Variants in SEC14L6 observed in about 807,000 individuals in gnomAD.
SEC14L6 encodes SEC14 like lipid binding 6.
SEC14L6 carries 40 observed loss-of-function variants against 54.1 expected under a neutral mutation model. The ratio of observed to expected loss-of-function variants is 0.74; its 90% CI spans 0.57 to 0.96. The LOEUF (loss-of-function observed/expected upper bound fraction) is 0.96, where lower values mean the gene tolerates loss of function less well. SEC14L6 is among the 40% of genes least tolerant of loss of function. The probability of loss-of-function intolerance (pLI) is 0.00; values close to 1 mark genes in which losing one functional copy is unlikely to be tolerated. For synonymous variants in SEC14L6, 171 were observed against 198.4 expected (o/e 0.86, Z 1.16); for missense variants, 471 against 498.3 (o/e 0.95, Z 0.52).
chr22:30,538,798 C>A lies in SEC14L6; in HGVS notation c.130+29G>T, dbSNP rs575173410. On this transcript the variant is annotated intron_variant, in intron 2 of 11. Coordinates refer to ENST00000402034, the MANE Select transcript of SEC14L6 (RefSeq NM_001193336.4). The stretch of plus-strand genomic sequence containing the variant: ...TACACTCCTCTTTCATGCCATTGAC[C>A]CTACCCCAGCCCCACGCTCTATCCT... 7 of 1,494,534 alleles carry A rather than the reference C, an allele frequency of 4.7e-6. No homozygotes were observed. In the East Asian group the frequency reaches 9.8e-5, roughly 21 times the overall value. The allele number at this position is 1,494,534 out of a possible 1,614,324, so 92.6% of individuals were successfully genotyped here. A position where few individuals can be genotyped will look rare whatever the true frequency, so the allele number is the denominator to read the frequency against.
At chr22:30,528,422 CTTTT>C (rs375073961) in intron 8 of SEC14L6, among the ~76,000 whole-genome samples, 2 of 105,532 alleles carry the variant, frequency 1.9e-5, no homozygotes, top group African/African-American at 4.0e-5. Context: ...CGCTCGGCCT[CTTTT>C]TTTTTTTTTT....
At chr22:30,546,404 AAAG>A (rs1568978176) in intron 1 of SEC14L6, among the ~76,000 whole-genome samples, 1 of 151,202 alleles carries the variant, frequency 6.6e-6, no homozygotes, top group East Asian at 1.9e-4. Context: ...AAAAAAAAAA[AAAG>A]GAAGAAAGAA....
At chr22:30,542,412 G>C in intron 1 of SEC14L6, 1 of 425,638 alleles carries the variant, frequency 2.3e-6, no homozygotes, top group Non-Finnish European at 4.1e-6. Flanking sequence ...GAGGTCGGCC[G>C]CAACTTCCCC....
chr22:30,528,422 C>CCTTT (rs773969166), intron 8 of SEC14L6, among the ~76,000 whole-genome samples: 4 of 105,522 alleles, frequency 3.8e-5, no homozygotes, highest in African/African-American at 1.6e-4. Context: ...CGCTCGGCCT[C>CCTTT]TTTTTTTTTT....
At chr22:30,531,849 G>T in intron 6 of SEC14L6, 54 bp downstream of exon 6, 1 of 1,306,190 alleles carries the variant, frequency 7.7e-7, no homozygotes, top group Non-Finnish European at 1.1e-6. Flanking sequence ...CAAGTGGAGG[G>T]TAAAGACCCA....
intron 2 of SEC14L6, among the ~76,000 whole-genome samples, chr22:30,534,617 G>A (rs1207110477): frequency 1.3e-5 from 2 of 151,832 alleles, no homozygotes; most frequent in East Asian, 1.9e-4. Flanking sequence ...CACCATGTTG[G>A]TCAGGCTGGT....
chr22:30,545,114 T>C (rs906865149), intron 1 of SEC14L6, among the ~76,000 whole-genome samples: 1 of 152,060 alleles, frequency 6.6e-6, no homozygotes, highest in Admixed American at 6.6e-5. Flanking sequence ...TGAGTCTTCC[T>C]GGACCCCAAG....
At position 30,532,525 on chromosome 22, in the gene SEC14L6, C is replaced by G. The variant is rs1253282580; in HGVS notation, c.423G>C (p.Lys141Asn). The G allele has an allele frequency of 1.9e-6, 3 of 1,547,850 alleles. No individual in the cohort carries two copies. The African/African-American group carries it at 4.1e-5, about 21-fold the overall frequency. The change falls in exon 5 of 12, where the codon AAG (lysine) becomes AAC (asparagine). Residue 141 changes from lysine (K) to asparagine (N), a missense_variant and splice_region_variant. Physicochemically the swap from Lys to Asn is moderately conservative, Grantham distance 94. Coordinates refer to ENST00000402034, the MANE Select transcript of SEC14L6 (RefSeq NM_001193336.4). Reference sequence around the variant, plus strand: ...GCTGCCCAGGGTGGCACCCACACACCTTCTGACTCTGCAGCTCACACTCCC... The same window carrying G: ...GCTGCCCAGGGTGGCACCCACACACGTTCTGACTCTGCAGCTCACACTCCC... ...LLRECELQSQKLGKRVEKIIA... is the reference protein window; with the variant it reads ...LLRECELQSQNLGKRVEKIIA...
intron 6 of SEC14L6, among the ~76,000 whole-genome samples, chr22:30,529,769 G>C (rs574014068): frequency 1.4e-4 from 22 of 152,192 alleles, no homozygotes; most frequent in Admixed American, 4.6e-4. Context: ...ACAGATGAGT[G>C]GGGGGATAAC....
rs780492964 is a variant in SEC14L6, at chr22:30,532,044, C to G, written c.424-46G>C. On this transcript the variant is annotated intron_variant, in intron 5 of 11. Coordinates refer to ENST00000402034, the MANE Select transcript of SEC14L6 (RefSeq NM_001193336.4). ...GTGAGACCCTGTGAGGGCCACTGCCCCCACCCATCCAAGATGGGGCTGGGC... is the reference window on the plus strand; with the variant it reads ...GTGAGACCCTGTGAGGGCCACTGCCGCCACCCATCCAAGATGGGGCTGGGC... 10 of 1,538,040 alleles carry G rather than the reference C, an allele frequency of 6.5e-6. No homozygotes were observed. The South Asian group carries it at 9.8e-5, about 15-fold the overall frequency.
chr22:30,533,230 G>GC (rs1937041649), intron 3 of SEC14L6: 1 of 871,290 alleles, frequency 1.1e-6, no homozygotes, highest in Non-Finnish European at 1.4e-6. Context: ...GCAGAGCCTG[G>GC]CTGATGTGTT....
At chr22:30,531,878 CA>C in intron 6 of SEC14L6, 24 bp downstream of exon 6, 1 of 1,511,930 alleles carries the variant, frequency 6.6e-7, no homozygotes, top group Non-Finnish European at 9.0e-7. Flanking sequence ...ACCACCCACC[CA>C]TGCCCCTGGC....
At chr22:30,539,504 C>T (rs2085660515) in intron 1 of SEC14L6, among the ~76,000 whole-genome samples, 1 of 152,196 alleles carries the variant, frequency 6.6e-6, no homozygotes, top group Non-Finnish European at 1.5e-5. Flanking sequence ...CCCTGATCTT[C>T]ATCCTTAGGA....
intron 2 of SEC14L6, among the ~76,000 whole-genome samples, chr22:30,535,435 G>A (rs1352900910): frequency 1.3e-5 from 2 of 152,194 alleles, no homozygotes; most frequent in Non-Finnish European, 2.9e-5. Context: ...GATTTCATCT[G>A]GGCATCATAA....
intron 1 of SEC14L6, chr22:30,543,044 G>C (rs1434785388): frequency 2.5e-6 from 4 of 1,599,252 alleles, no homozygotes; most frequent in South Asian, 1.1e-5. Flanking sequence ...CCCGCAGCGA[G>C]GGCCACACCT....
intron 1 of SEC14L6, chr22:30,543,137 A>G: frequency 1.2e-6 from 2 of 1,603,612 alleles, no homozygotes; most frequent in South Asian, 1.1e-5. Flanking sequence ...AATGGGAATC[A>G]GCTCTCAGAC....
chr22:30,546,368 A>T (rs1464723888), intron 1 of SEC14L6, among the ~76,000 whole-genome samples: 3 of 142,320 alleles, frequency 2.1e-5, no homozygotes, highest in Non-Finnish European at 4.5e-5. Context: ...GGGCAACAAG[A>T]GCGAAACTCC....
rs561182942 is a variant in SEC14L6 at position 30,525,818 on chromosome 22, C to G, written c.771+8G>C. ...CCCCTCCTTCCCCATCCTCTGGGCA[C>G]CCTGTACCTTGGTCAGGCACTTGGG... On this transcript the variant is annotated splice_region_variant and intron_variant, in intron 9 of 11. Transcript: ENST00000402034. 27 of 1,613,492 alleles carry G rather than the reference C, an allele frequency of 1.7e-5. No individual in the cohort carries two copies. Among genetic ancestry groups the G allele is most frequent in the Non-Finnish European group, 2.3e-5 (27 of 1,179,712 alleles).
intron 5 of SEC14L6, chr22:30,532,303 T>C (rs1392571398): frequency 7.1e-6 from 7 of 984,112 alleles, no homozygotes; most frequent in African/African-American, 1.7e-5. Flanking sequence ...GCCCAGTGGA[T>C]TGAGTGGGCT....
Sources: gnomAD v4.1 joint callset for allele counts (sites outside exome capture counted in the v4.1 genomes callset) on GRCh38, gnomAD v4.1.1 for gene constraint, MANE v1.5 for transcripts, NCBI Gene and HGNC (gene_info 2026-07-23, HGNC 2026-07-21) for gene names.